The following SHISA9 variants were observed in gnomAD, a reference collection of about 807,000 sequenced individuals.
SHISA9 encodes the protein protein shisa-9.
In SHISA9, 13 loss-of-function variants were observed where a neutral mutation model predicts 38.0. That is an observed-to-expected ratio of 0.34 (90% CI 0.22 to 0.54). SHISA9 has a LOEUF of 0.54. Among genes scored for constraint, SHISA9 ranks in the 20% least tolerant of loss-of-function variants. SHISA9 has a pLI of 0.91. For synonymous variants in SHISA9, 275 were observed against 242.0 expected (o/e 1.14, Z -1.27); for missense variants, 538 against 575.8 (o/e 0.93, Z 0.67).
chr16:13,248,562 C>G, the SHISA9 span, among the ~76,000 whole-genome samples: 1 of 152,152 alleles, frequency 6.6e-6, no homozygotes, highest in Non-Finnish European at 1.5e-5. Context: ...TTTTTCTCAT[C>G]TGTAGAGCAA....
chr16:13,022,775 C>T (rs1229579171), intron 2 of SHISA9, among the ~76,000 whole-genome samples: 18 of 151,944 alleles, frequency 1.2e-4, no homozygotes, highest in Non-Finnish European at 5.9e-5. Context: ...CTAATTATTT[C>T]ATTTTTCAAA....
chr16:13,462,298 C>G, the SHISA9 span, among the ~76,000 whole-genome samples: 1 of 151,824 alleles, frequency 6.6e-6, no homozygotes, highest in Admixed American at 6.6e-5. Context: ...CTTATTTAAT[C>G]TCATTCAGGT....
chr16:12,912,178 T>A (rs369784197), intron 1 of SHISA9, among the ~76,000 whole-genome samples: 5 of 151,450 alleles, frequency 3.3e-5, no homozygotes, highest in African/African-American at 1.2e-4. Flanking sequence ...GTTTATGCAG[T>A]CCCTGGAGTG....
At chr16:13,003,889 T>TAATAAGAAGAAG (rs770958492) in intron 2 of SHISA9, among the ~76,000 whole-genome samples, 7 of 145,822 alleles carry the variant, frequency 4.8e-5, no homozygotes, top group African/African-American at 1.3e-4. Context: ...ATAATAATAA[T>TAATAAGAAGAAG]AAGAAGAAGA....
chr16:13,213,788 G>A (rs2051142447), intron 4 of SHISA9, among the ~76,000 whole-genome samples: 1 of 152,174 alleles, frequency 6.6e-6, no homozygotes, highest in South Asian at 2.1e-4. Context: ...AGCAGAGAGG[G>A]TTAGGAAGTT....
At chr16:13,276,083 C>G in the SHISA9 span, among the ~76,000 whole-genome samples, 1 of 151,954 alleles carries the variant, frequency 6.6e-6, no homozygotes, top group Non-Finnish European at 1.5e-5. Flanking sequence ...CCCTCTGTCT[C>G]TTACCCCTAA....
the SHISA9 span, among the ~76,000 whole-genome samples, chr16:13,486,649 C>T: frequency 0.01 from 1,589 of 152,250 alleles, 33 homozygotes; most frequent in African/African-American, 0.037. Flanking sequence ...TACTCTAGAG[C>T]CTAGCATAGC....
the SHISA9 span, among the ~76,000 whole-genome samples, chr16:13,335,474 A>G: frequency 2.6e-5 from 4 of 152,202 alleles, no homozygotes; most frequent in Non-Finnish European, 5.9e-5. Context: ...AGGTGCCCAT[A>G]TAACTTTTCA....
Position 13,235,317 on chromosome 16 carries a change from G to A in SHISA9, c.1183G>A (p.Gly395Ser). 6.5e-7 allele frequency: 1 copy of A among 1,549,422 alleles called. No individual in the cohort carries two copies. The highest frequency in any genetic ancestry group is 8.7e-7 in the Non-Finnish European group (1 of 1,146,994). ...NKGKLGTAET[G>S]SSDPLGTRPQ... Reference sequence around the variant, plus strand: ...GGGCAAGCTTGGCACGGCCGAGACAGGCTCCAGCGACCCCTTGGGAACTCG... The same window carrying A: ...GGGCAAGCTTGGCACGGCCGAGACAAGCTCCAGCGACCCCTTGGGAACTCG... The change falls in exon 5 of 5, where the codon GGC becomes AGC. Residue 395 changes from glycine to serine, a missense_variant. Around this residue, in one of 4 missense-constraint regions of SHISA9, gnomAD observed 326 missense variants for 305.9 expected, o/e 1.07. Transcript: ENST00000558583.
chr16:13,266,375 C>T, the SHISA9 span, among the ~76,000 whole-genome samples: 1 of 152,128 alleles, frequency 6.6e-6, no homozygotes, highest in African/African-American at 2.4e-5. Flanking sequence ...GGAATAAATG[C>T]TTTCCCCAGT....
At chr16:13,073,648 A>T (rs1342437506) in intron 2 of SHISA9, among the ~76,000 whole-genome samples, 1 of 152,178 alleles carries the variant, frequency 6.6e-6, no homozygotes, top group Non-Finnish European at 1.5e-5. Flanking sequence ...TATTTGGACA[A>T]AGAGATCTTT....
chr16:13,401,952 T>G, the SHISA9 span, among the ~76,000 whole-genome samples: 1 of 152,022 alleles, frequency 6.6e-6, no homozygotes, highest in Non-Finnish European at 1.5e-5. Context: ...CTCATGAGAC[T>G]CATCCCATAT....
the SHISA9 span, among the ~76,000 whole-genome samples, chr16:13,472,566 G>A: frequency 4.0e-5 from 6 of 151,246 alleles, no homozygotes. Flanking sequence ...TAATTTTTTT[G>A]TATTTTTAGT....
chr16:13,436,581 C>G, the SHISA9 span, among the ~76,000 whole-genome samples: 1 of 152,190 alleles, frequency 6.6e-6, no homozygotes, highest in Non-Finnish European at 1.5e-5. Flanking sequence ...CGTAGCCATT[C>G]TTTTATTCCT....
intron 2 of SHISA9, among the ~76,000 whole-genome samples, chr16:13,053,800 T>C (rs544774189): frequency 4.4e-4 from 67 of 152,332 alleles, no homozygotes; most frequent in African/African-American, 1.6e-3. Context: ...TGAATTCTTC[T>C]AGCAGTGAAA....
chr16:13,382,501 G>A, the SHISA9 span, among the ~76,000 whole-genome samples: 1 of 139,766 alleles, frequency 7.2e-6, no homozygotes, highest in Non-Finnish European at 1.5e-5. Context: ...CTGCACTCAA[G>A]CCTGGATGAA....
the SHISA9 span, among the ~76,000 whole-genome samples, chr16:13,420,480 C>T: frequency 6.6e-6 from 1 of 151,896 alleles, no homozygotes; most frequent in African/African-American, 2.4e-5. Flanking sequence ...AAATGTCTTT[C>T]CTGAGGAAGG....
At chr16:13,469,318 GAGAGAAAGAAAGAA>G in the SHISA9 span, among the ~76,000 whole-genome samples, 98 of 95,334 alleles carry the variant, frequency 1.0e-3, 3 homozygotes, top group East Asian at 0.01. Context: ...GAGAGAGAGA[GAGAGAAAGAAAGAA>G]AGAAAGAAAG....
the SHISA9 span, among the ~76,000 whole-genome samples, chr16:13,304,810 T>C: frequency 1.3e-5 from 2 of 152,188 alleles, no homozygotes; most frequent in South Asian, 4.1e-4. Flanking sequence ...CGGACTAAGT[T>C]AAGTGAAGGC....
Sources: allele counts gnomAD v4.1 joint callset (sites outside exome capture counted in the v4.1 genomes callset), GRCh38; gene constraint gnomAD v4.1.1; regional missense constraint gnomAD v4.1.1; transcripts MANE v1.5; gene names NCBI Gene and HGNC (gene_info 2026-07-23, HGNC 2026-07-21).